The following PIGN variants were observed in gnomAD, a reference collection of about 807,000 sequenced individuals.
The protein encoded by PIGN is phosphatidylinositol glycan anchor biosynthesis class N, also known as GPI ethanolamine phosphate transferase 1.
A neutral mutation model predicts 125.4 loss-of-function variants in PIGN; 117 were observed. The ratio of observed to expected loss-of-function variants is 0.93; its 90% CI spans 0.80 to 1.09. The LOEUF is 1.09. PIGN is among the 50% of genes least tolerant of loss of function. The pLI, the probability that PIGN is intolerant of heterozygous loss-of-function variation, is 0.00. For synonymous variants in PIGN, 392 were observed against 377.8 expected (o/e 1.04, Z -0.44); for missense variants, 1,075 against 1,094.9 (o/e 0.98, Z 0.26).
chr18:62,155,471 A>G (rs2036694325), intron 6 of PIGN, among the ~76,000 whole-genome samples: 1 of 152,174 alleles, frequency 6.6e-6, no homozygotes, highest in South Asian at 2.1e-4. Context: ...CAGGGGGCTG[A>G]GGCAGAAGAA....
intron 24 of PIGN, 126 bp downstream of exon 24, chr18:62,090,350 C>A: frequency 1.7e-6 from 1 of 579,632 alleles, no homozygotes; most frequent in South Asian, 2.4e-5. Flanking sequence ...TTATTAATGC[C>A]AAACAACTAA....
At position 62,143,354 on chromosome 18, in the gene PIGN, A is replaced by G; in HGVS notation, c.923-8T>C. ...AATTCTCCAATCTCCACTCTGAAAG[A>G]TACAATCAGACACAAGATCTGATGT... On this transcript the variant is annotated splice_polypyrimidine_tract_variant and splice_region_variant and intron_variant, in intron 10 of 30. Coordinates refer to ENST00000640252, the MANE Select transcript of PIGN (RefSeq NM_176787.5). The G allele has an allele frequency of 6.7e-7, 1 of 1,498,824 alleles. No homozygotes were observed. The highest frequency in any genetic ancestry group is 9.2e-7 in the Non-Finnish European group (1 of 1,087,990). The allele number at this position is 1,498,824 out of a possible 1,614,324, so 92.8% of individuals were successfully genotyped here. A position where few individuals can be genotyped will look rare whatever the true frequency, so the allele number is the denominator to read the frequency against.
In PIGN at chr18:62,045,822, C is replaced by T. The variant is rs373280602; in HGVS notation, c.*34G>A. ...TGAGATTTTAGCTTAAAAGGAGAAT[C>T]AGGATCCAGATGCTGAATGGTGCTT... is the stretch of plus-strand genomic sequence containing the variant. On this transcript the variant is annotated 3_prime_UTR_variant, in exon 31 of 31. Coordinates refer to ENST00000640252, the MANE Select transcript of PIGN (RefSeq NM_176787.5). 1 of 1,609,834 alleles carries T rather than the reference C, an allele frequency of 6.2e-7. No individual in the cohort carries two copies. The highest frequency in any genetic ancestry group is 8.5e-7 in the Non-Finnish European group (1 of 1,177,326).
In PIGN at chr18:62,035,659, A is replaced by G. The variant is rs536303095; in HGVS notation, c.2143-17918T>C. On this transcript the variant is annotated intron_variant, in intron 23 of 24. Coordinates refer to the PIGN transcript ENST00000639600. ...ATCATTTACATTAGGTATATCTCCT[A>G]ATGCTATCCCTCCCCCTTCCCCCCA... is the stretch of plus-strand genomic sequence containing the variant. 3.9e-5 allele frequency among the ~76,000 whole-genome samples: 6 copies of G among 152,040 alleles called. No homozygotes were observed. The South Asian group carries it at 1.2e-3, about 32-fold the overall frequency.
intron 27 of PIGN, 86 bp downstream of exon 27, chr18:62,084,445 T>C: frequency 1.2e-6 from 1 of 819,052 alleles, no homozygotes; most frequent in Non-Finnish European, 1.9e-6. Flanking sequence ...ATATCTTCTT[T>C]CCATTGCTAC....
In PIGN at chr18:62,147,025, T is replaced by C. The variant is rs1215809226; in HGVS notation, c.751A>G (p.Asn251Asp). 2 of 1,612,230 alleles carry C rather than the reference T, an allele frequency of 1.2e-6. No individual in the cohort carries two copies. The highest frequency in any genetic ancestry group is 4.5e-5 in the East Asian group (2 of 44,706). Residue 251 changes from asparagine (N) to aspartate (D), a missense_variant, in exon 9 of 31, where the codon AAT becomes GAT. Coordinates refer to ENST00000640252, the MANE Select transcript of PIGN (RefSeq NM_176787.5). Reference sequence around the variant, plus strand: ...AAGATAAATGTTGTTTTCCCATCATTTCCATAGAAGTGGTTAAACATAGAC... The same window carrying C: ...AAGATAAATGTTGTTTTCCCATCATCTCCATAGAAGTGGTTAAACATAGAC... ...IVSMFNHFYG[N>D]DGKTTFIFTS...
Position 62,105,495 on chromosome 18 carries a change from GA to G in PIGN, c.1859+47del, listed in dbSNP as rs748592806. ...TTCAAATTTTACAGTGTTAATTGAG[GA>G]AAAAAAAGTGTATTGAAAATAGAAT... is the stretch of plus-strand genomic sequence containing the variant. On this transcript the variant is annotated intron_variant, in intron 20 of 30. Coordinates refer to ENST00000640252, the MANE Select transcript of PIGN (RefSeq NM_176787.5). The G allele has an allele frequency of 9.9e-5, 108 of 1,094,856 alleles. 2 individuals carry two copies. Among genetic ancestry groups the G allele is most frequent in the East Asian group, 7.8e-4 (30 of 38,522 alleles). 67.8% of individuals were successfully genotyped at this position (1,094,856 alleles called of 1,614,324 possible).
At chr18:62,161,427 C>T in intron 3 of PIGN, 42 bp from the exon 4 acceptor site, 1 of 831,408 alleles carries the variant, frequency 1.2e-6, no homozygotes, top group Non-Finnish European at 1.9e-6. Flanking sequence ...AATCTTAATG[C>T]ATTCATATGT....
At position 62,085,265 on chromosome 18, in the gene PIGN, C is replaced by A. The variant is rs778689280; in HGVS notation, c.2371-1G>T. The A allele has an allele frequency of 1.3e-6, 2 of 1,540,380 alleles. No homozygotes were observed. The highest frequency in any genetic ancestry group is 1.8e-6 in the Non-Finnish European group (2 of 1,138,128). On this transcript the variant is annotated splice_acceptor_variant, in intron 25 of 30. Transcript: ENST00000640252. LOFTEE classifies it high-confidence loss of function. ...AAAATGCTGTCACTAAGAAGAAAAC[C>A]TAAAGGGAGTCAAGGAAATGGCAAA...
At chr18:62,074,698 A>G (rs573249526) in intron 29 of PIGN, 81 bp downstream of exon 29, 1 of 852,556 alleles carries the variant, frequency 1.2e-6, no homozygotes, top group Non-Finnish European at 1.9e-6. Flanking sequence ...TTCACGTACC[A>G]AAATGCATTC....
downstream of PIGN, among the ~76,000 whole-genome samples, chr18:62,038,250 G>A (rs753573985): frequency 7.3e-5 from 11 of 149,878 alleles, no homozygotes; most frequent in Admixed American, 2.0e-4. Context: ...GTGGAGCTTC[G>A]GATTTCTCGT....
intron 14 of PIGN, chr18:62,137,275 G>C: frequency 2.4e-6 from 1 of 412,846 alleles, no homozygotes; most frequent in Non-Finnish European, 4.3e-6. Context: ...AGGGGCTCTC[G>C]GGCCTTTGGC....
chr18:62,097,331 C>T (rs1260828986), intron 22 of PIGN, among the ~76,000 whole-genome samples: 1 of 134,970 alleles, frequency 7.4e-6, no homozygotes, highest in Non-Finnish European at 1.6e-5. Flanking sequence ...AAATGCTCAT[C>T]ATCACTGGCC....
Position 62,113,770 on chromosome 18 carries a change from C to T in PIGN, c.1252-454G>A, listed in dbSNP as rs954719989. Among the ~76,000 whole-genome samples, 5 of 152,070 alleles carry T rather than the reference C, an allele frequency of 3.3e-5. No homozygotes were observed. The East Asian group carries it at 9.7e-4, about 29-fold the overall frequency. ...ATCATTTTAAAATCATCAAAAAAAG[C>T]ATTAGAAATGCACGGATTGGCAATT... On this transcript the variant is annotated intron_variant, in intron 15 of 30. Coordinates refer to ENST00000640252, the MANE Select transcript of PIGN (RefSeq NM_176787.5).
chr18:62,164,505 G>A (rs1470236638), intron 1 of PIGN, among the ~76,000 whole-genome samples: 1 of 152,092 alleles, frequency 6.6e-6, no homozygotes, highest in Admixed American at 6.5e-5. Flanking sequence ...AAGAGAGAGT[G>A]AGCAAAGTGG....
chr18:62,096,243 C>A (rs748902333), intron 22 of PIGN, among the ~76,000 whole-genome samples: 16 of 151,676 alleles, frequency 1.1e-4, no homozygotes, highest in African/African-American at 3.9e-4. Flanking sequence ...TGCAGTGAGC[C>A]GAGATTGCAC....
At chr18:62,076,303 T>G (rs895315880) in intron 28 of PIGN, among the ~76,000 whole-genome samples, 1 of 152,336 alleles carries the variant, frequency 6.6e-6, no homozygotes, top group Admixed American at 6.5e-5. Context: ...TTATTTGCCA[T>G]CTGTATATCT....
rs770748198 is a variant in PIGN at position 62,101,082 on chromosome 18, T to G, written c.2070A>C (p.Ala690=). Residue 690 remains alanine, a synonymous_variant, in exon 22 of 31, where the codon GCA becomes GCC. Coordinates refer to ENST00000640252, the MANE Select transcript of PIGN (RefSeq NM_176787.5). ...LPLMNQIISW[A]TLASSLVVPL... ...GTTTGAGTGGCCTCTTACCTAATGT[T>G]GCCCAGCTAATAATTTGATTCATGA... The G allele has an allele frequency of 1.9e-6, 3 of 1,592,202 alleles. No homozygotes were observed. The highest frequency in any genetic ancestry group is 2.6e-6 in the Non-Finnish European group (3 of 1,160,144).
intron 7 of PIGN, among the ~76,000 whole-genome samples, chr18:62,152,572 A>G (rs1421633272): frequency 6.6e-6 from 1 of 152,160 alleles, no homozygotes; most frequent in East Asian, 1.9e-4. Flanking sequence ...ACATTAGTCT[A>G]CAGTTGGGCA....
Sources: allele counts gnomAD v4.1 joint callset (sites outside exome capture counted in the v4.1 genomes callset), GRCh38; gene constraint gnomAD v4.1.1; transcripts MANE v1.5; gene names NCBI Gene and HGNC (gene_info 2026-07-23, HGNC 2026-07-21).